PRKCE: variants seen among roughly 807,000 people sequenced by gnomAD.
PRKCE encodes protein kinase C epsilon type.
PRKCE carries 16 observed loss-of-function variants against 85.4 expected under a neutral mutation model. The ratio of observed to expected loss-of-function variants is 0.19; its 90% CI spans 0.13 to 0.28. The LOEUF is 0.28. Ranked by LOEUF, PRKCE falls within the 10% of genes least tolerant of loss-of-function variation. PRKCE has a pLI of 1.00. For missense variants in PRKCE, 573 were observed against 975.2 expected, an observed-to-expected ratio of 0.59 and a Z score of 5.49; for synonymous variants, 388 against 371.5, an observed-to-expected ratio of 1.04 and a Z score of -0.51.
intron 1 of PRKCE, among the ~76,000 whole-genome samples, chr2:45,756,913 C>T (rs753347149): frequency 9.9e-5 from 15 of 152,094 alleles, no homozygotes; most frequent in Non-Finnish European, 2.2e-4. Flanking sequence ...GATGGTTTCA[C>T]AGGGGTATAT....
chr2:45,678,069 A>G (rs763711034), intron 1 of PRKCE, among the ~76,000 whole-genome samples: 9 of 152,214 alleles, frequency 5.9e-5, no homozygotes, highest in Non-Finnish European at 1.3e-4. Flanking sequence ...TTGTGGTCAC[A>G]TGGGAATTTA....
chr2:46,043,968 T>C (rs79508881), intron 10 of PRKCE, among the ~76,000 whole-genome samples: 1,760 of 152,344 alleles, frequency 0.012, 21 homozygotes, highest in Non-Finnish European at 0.018. Context: ...TCTGGCCCAC[T>C]GGCTGGGGTG....
At chr2:45,903,624 A>T (rs111411460) in intron 2 of PRKCE, among the ~76,000 whole-genome samples, 2,435 of 152,320 alleles carry the variant, frequency 0.016, 42 homozygotes, top group Admixed American at 0.033. Flanking sequence ...ATTGAAACTT[A>T]AACAGTCATC....
rs61756875 is a variant in PRKCE, at chr2:45,987,615, A to C, written c.823+2935A>C. On this transcript the variant is annotated intron_variant, in intron 6 of 14. Coordinates refer to ENST00000306156, the MANE Select transcript of PRKCE (RefSeq NM_005400.3). Reference sequence around the variant, plus strand: ...ATGGCCTCCCCCCACCAGCATCCCCACCACAGCAGCACACGTGCACAGCCA... The same window carrying C: ...ATGGCCTCCCCCCACCAGCATCCCCCCCACAGCAGCACACGTGCACAGCCA... Among the ~76,000 whole-genome samples the C allele has an allele frequency of 6.4e-3, 957 of 149,942 alleles. 9 individuals carry two copies. The highest frequency in any genetic ancestry group is 0.023 in the African/African-American group (924 of 40,704).
chr2:45,735,321 T>C (rs915214774), intron 1 of PRKCE, among the ~76,000 whole-genome samples: 6 of 152,216 alleles, frequency 3.9e-5, no homozygotes, highest in Non-Finnish European at 7.3e-5. Context: ...ATCACTTCCA[T>C]ATGAACAAAT....
At chr2:45,860,494 C>T (rs901331282) in intron 2 of PRKCE, among the ~76,000 whole-genome samples, 1 of 152,178 alleles carries the variant, frequency 6.6e-6, no homozygotes, top group African/African-American at 2.4e-5. Flanking sequence ...ACAGAATTTC[C>T]CAGGCCATTT....
chr2:45,784,717 GT>G (rs1280985467), intron 1 of PRKCE, among the ~76,000 whole-genome samples: 10 of 152,072 alleles, frequency 6.6e-5, no homozygotes, highest in Non-Finnish European at 1.3e-4. Flanking sequence ...TGATTTAACA[GT>G]GATGAAGCTA....
At chr2:46,162,282 G>T (rs1474749125) in intron 14 of PRKCE, among the ~76,000 whole-genome samples, 1 of 152,112 alleles carries the variant, frequency 6.6e-6, no homozygotes, top group East Asian at 1.9e-4. Context: ...TCCCCCTTGG[G>T]ACTAAAGAGC....
chr2:45,734,441 A>C (rs1681868005), intron 1 of PRKCE, among the ~76,000 whole-genome samples: 1 of 152,128 alleles, frequency 6.6e-6, no homozygotes, highest in Non-Finnish European at 1.5e-5. Context: ...TAATGCTTGC[A>C]GTCCTGAAAG....
intron 1 of PRKCE, among the ~76,000 whole-genome samples, chr2:45,716,385 C>T (rs1161684864): frequency 3.3e-5 from 5 of 151,928 alleles, no homozygotes; most frequent in African/African-American, 1.2e-4. Context: ...GGCGTGGTGT[C>T]GCATGCTTGT....
chr2:45,951,714 G>T (rs1024462775), intron 2 of PRKCE, among the ~76,000 whole-genome samples: 28 of 152,218 alleles, frequency 1.8e-4, no homozygotes, highest in Non-Finnish European at 3.7e-4. Context: ...CAATGAGTCT[G>T]GTTCTTCCAC....
At chr2:45,742,986 T>G (rs1449902514) in intron 1 of PRKCE, among the ~76,000 whole-genome samples, 1 of 152,162 alleles carries the variant, frequency 6.6e-6, no homozygotes, top group Non-Finnish European at 1.5e-5. Context: ...GGCTGAACCC[T>G]GAGGATATTA....
At chr2:45,679,410 G>C (rs916285467) in intron 1 of PRKCE, among the ~76,000 whole-genome samples, 3 of 152,164 alleles carry the variant, frequency 2.0e-5, no homozygotes, top group Non-Finnish European at 4.4e-5. Context: ...TATATACTCT[G>C]TGAAAGGTGA....
At chr2:45,856,483 G>T (rs1368290270) in intron 2 of PRKCE, among the ~76,000 whole-genome samples, 5 of 152,140 alleles carry the variant, frequency 3.3e-5, no homozygotes, top group Non-Finnish European at 5.9e-5. Flanking sequence ...CACCCACCTC[G>T]GCCTCCCAGA....
intron 1 of PRKCE, among the ~76,000 whole-genome samples, chr2:45,817,503 C>G (rs1331387676): frequency 6.6e-6 from 1 of 151,040 alleles, no homozygotes; most frequent in Non-Finnish European, 1.5e-5. Flanking sequence ...ACCATCCTGG[C>G]TAACACGGTG....
chr2:46,151,267 G>T, intron 13 of PRKCE, 38 bp downstream of exon 13: 1 of 1,496,600 alleles, frequency 6.7e-7, no homozygotes, highest in Non-Finnish European at 9.0e-7. Flanking sequence ...GTGCTCTCCT[G>T]GGCTCCTCCC....
At chr2:45,982,265 G>C (rs1702952519) in intron 5 of PRKCE, among the ~76,000 whole-genome samples, 1 of 148,392 alleles carries the variant, frequency 6.7e-6, no homozygotes, top group Non-Finnish European at 1.5e-5. Flanking sequence ...CAAACTTTGA[G>C]TTCGTTCTTT....
intron 1 of PRKCE, among the ~76,000 whole-genome samples, chr2:45,735,689 G>A (rs1273019350): frequency 6.6e-6 from 1 of 152,190 alleles, no homozygotes; most frequent in Non-Finnish European, 1.5e-5. Context: ...GAACCAAAGA[G>A]AAAATAACTC....
chr2:45,979,611 G>GCTGAGGTTAGAGCAGGGAGGTTTTC (rs2104556747), intron 4 of PRKCE, among the ~76,000 whole-genome samples: 1 of 152,284 alleles, frequency 6.6e-6, no homozygotes, highest in South Asian at 2.1e-4. Context: ...CGGTGGTTTT[G>GCTGAGGTTAGAGCAGGGAGGTTTTC]CTGAGGTTAG....
Sources: gnomAD v4.1 joint callset for allele counts (sites outside exome capture counted in the v4.1 genomes callset) on GRCh38, gnomAD v4.1.1 for gene constraint, MANE v1.5 for transcripts, NCBI Gene and HGNC (gene_info 2026-07-23, HGNC 2026-07-21) for gene names.